SUMF1: variants seen among roughly 807,000 people sequenced by gnomAD.
SUMF1 encodes formylglycine-generating enzyme.
SUMF1 carries 48 observed loss-of-function variants against 47.6 expected under a neutral mutation model. The ratio of observed to expected loss-of-function variants is 1.01; its 90% CI spans 0.80 to 1.28. SUMF1 has a LOEUF of 1.28. Among genes scored for constraint, SUMF1 ranks in the 50% most tolerant of loss-of-function variants. SUMF1 has a pLI of 0.00. For missense variants in SUMF1, 571 were observed against 485.4 expected, an observed-to-expected ratio of 1.18 and a Z score of -1.66; for synonymous variants, 230 against 192.1, an observed-to-expected ratio of 1.20 and a Z score of -1.63.
intron 8 of SUMF1, among the ~76,000 whole-genome samples, chr3:4,225,848 A>G (rs1385488): frequency 0.36 from 55,032 of 151,998 alleles, 10,872 homozygotes; most frequent in Non-Finnish European, 0.45. Flanking sequence ...AAAATGGTTG[A>G]ATAACCCCAG....
intron 8 of SUMF1, chr3:4,303,230 A>C: frequency 1.1e-6 from 1 of 871,664 alleles, no homozygotes. Flanking sequence ...AAGTCAAGGA[A>C]GGGAAGCGCC....
At chr3:4,440,947 T>TTATCTTAAATACTGGAAGTA (rs1431177202) in intron 3 of SUMF1, among the ~76,000 whole-genome samples, 11 of 152,158 alleles carry the variant, frequency 7.2e-5, no homozygotes, top group Admixed American at 7.2e-4. Context: ...AAAACAGTCT[T>TTATCTTAAATACTGGAAGTA]TATCTTAAAT....
rs1367435731 is a variant in SUMF1 at position 4,151,489 on chromosome 3, ATATACGTATATATGTGTATATG to A, written c.1015-82766_1015-82745del. Among the ~76,000 whole-genome samples the A allele has an allele frequency of 2.7e-5, 4 of 146,268 alleles. 1 individual carries two copies. The highest frequency in any genetic ancestry group is 1.0e-4 in the African/African-American group (4 of 39,300). ...TATGTATATATGTATATATGTGTAT[ATATACGTATATATGTGTATATG>A]TATACGTATATATGTATATATGTGT... On this transcript the variant is annotated intron_variant and NMD_transcript_variant, in intron 8 of 12. Coordinates refer to the SUMF1 transcript ENST00000448413.
chr3:4,260,021 G>T (rs79340891), intron 8 of SUMF1, among the ~76,000 whole-genome samples: 2,524 of 114,916 alleles, frequency 0.022, 89 homozygotes, highest in African/African-American at 0.075. Context: ...ACCAGAAAAA[G>T]GATAAAAAAA....
At chr3:4,040,805 G>A (rs574963834) in intron 9 of SUMF1, among the ~76,000 whole-genome samples, 3 of 152,166 alleles carry the variant, frequency 2.0e-5, no homozygotes, top group African/African-American at 4.8e-5. Context: ...TAGAACCAGA[G>A]AGGCAATCCA....
At chr3:4,166,894 G>A (rs1318940304) in intron 8 of SUMF1, among the ~76,000 whole-genome samples, 4 of 152,106 alleles carry the variant, frequency 2.6e-5, no homozygotes, top group Non-Finnish European at 5.9e-5. Context: ...GGTGGTTAGA[G>A]AGCCCTTTCC....
chr3:4,088,830 G>A (rs1692725639), intron 8 of SUMF1, among the ~76,000 whole-genome samples: 1 of 152,084 alleles, frequency 6.6e-6, no homozygotes, highest in Non-Finnish European at 1.5e-5. Flanking sequence ...ATATGTGTAA[G>A]CTCTTTAATT....
chr3:4,240,359 T>C (rs986930414), intron 8 of SUMF1, among the ~76,000 whole-genome samples: 3 of 152,168 alleles, frequency 2.0e-5, no homozygotes, highest in African/African-American at 4.8e-5. Context: ...TTTGTACCTC[T>C]GGTAGAATTC....
intron 9 of SUMF1, among the ~76,000 whole-genome samples, chr3:4,061,619 A>AG (rs777788869): frequency 1.3e-5 from 2 of 152,078 alleles, no homozygotes; most frequent in Non-Finnish European, 2.9e-5. Context: ...CTTTCTATGC[A>AG]GGGAGCAGCA....
intron 8 of SUMF1, chr3:4,317,321 A>G: frequency 3.4e-6 from 3 of 880,662 alleles, no homozygotes; most frequent in Non-Finnish European, 5.1e-6. Context: ...GCACCAACCC[A>G]ATATCTTCAT....
chr3:4,236,395 G>T (rs1026962302), intron 8 of SUMF1, among the ~76,000 whole-genome samples: 1 of 152,014 alleles, frequency 6.6e-6, no homozygotes, highest in Non-Finnish European at 1.5e-5. Flanking sequence ...ATGAGAAATG[G>T]TCAAAGATAA....
intron 8 of SUMF1, among the ~76,000 whole-genome samples, chr3:4,209,976 CCT>C (rs1183813664): frequency 1.3e-5 from 2 of 152,120 alleles, no homozygotes; most frequent in Non-Finnish European, 2.9e-5. Context: ...CTCACTGTAA[CCT>C]CCACCTCCTG....
chr3:4,056,816 A>T (rs1481989169), intron 9 of SUMF1, among the ~76,000 whole-genome samples: 2 of 151,948 alleles, frequency 1.3e-5, no homozygotes, highest in Admixed American at 1.3e-4. Context: ...ATCTCGGCTC[A>T]CTGCAAGCTC....
At position 4,344,086 on chromosome 3, in the gene SUMF1, C is replaced by G. The variant is rs541504677; in HGVS notation, c.1014+32244G>C. Among the ~76,000 whole-genome samples the G allele has an allele frequency of 9.2e-5, 14 of 152,302 alleles. No individual in the cohort carries two copies. In the South Asian group the frequency reaches 2.9e-3, roughly 32 times the overall value. ...GTGATTGACAGGCCAAGATGACTGA[C>G]TAGAAGCAGCAGCATTCTGAGGCTC... On this transcript the variant is annotated intron_variant and NMD_transcript_variant, in intron 8 of 12. Transcript: ENST00000448413.
In SUMF1 at chr3:4,118,194, G is replaced by A. The variant is rs187232583; in HGVS notation, c.1015-49449C>T. Reference sequence around the variant, plus strand: ...TCTCTTTGTACTCTTGACCATCATCGCCTCTAGCTTTGCCTCTCTTTATTT... The same window carrying A: ...TCTCTTTGTACTCTTGACCATCATCACCTCTAGCTTTGCCTCTCTTTATTT... On this transcript the variant is annotated intron_variant and NMD_transcript_variant, in intron 8 of 12. Transcript: ENST00000448413. Among the ~76,000 whole-genome samples the A allele has an allele frequency of 1.5e-3, 231 of 151,602 alleles. 2 individuals carry two copies. The highest frequency in any genetic ancestry group is 4.9e-3 in the Admixed American group (74 of 15,254).
intron 8 of SUMF1, among the ~76,000 whole-genome samples, chr3:4,116,747 C>A (rs983038760): frequency 2.0e-5 from 3 of 151,948 alleles, no homozygotes; most frequent in African/African-American, 7.3e-5. Flanking sequence ...GGGTATCGTG[C>A]TGAAAATAAG....
chr3:4,082,549 TC>T (rs1429674399), intron 8 of SUMF1, among the ~76,000 whole-genome samples: 2 of 152,144 alleles, frequency 1.3e-5, no homozygotes, highest in Non-Finnish European at 2.9e-5. Flanking sequence ...TTTAAAATGT[TC>T]CAACAGATTT....
chr3:4,170,535 T>G (rs1167461174), intron 8 of SUMF1, among the ~76,000 whole-genome samples: 1 of 152,152 alleles, frequency 6.6e-6, no homozygotes, highest in Non-Finnish European at 1.5e-5. Flanking sequence ...GCATTTGATT[T>G]TGAAAAATGA....
chr3:4,124,119 T>G (rs1205235357), intron 8 of SUMF1, among the ~76,000 whole-genome samples: 1 of 152,214 alleles, frequency 6.6e-6, no homozygotes, highest in Non-Finnish European at 1.5e-5. Flanking sequence ...AATTTCTTTT[T>G]GTCTTTTTCT....
Sources: gnomAD v4.1 joint callset for allele counts (sites outside exome capture counted in the v4.1 genomes callset) on GRCh38, gnomAD v4.1.1 for gene constraint, MANE v1.5 for transcripts, NCBI Gene and HGNC (gene_info 2026-07-23, HGNC 2026-07-21) for gene names.